The following PGCKA1 variants were observed in gnomAD, a reference collection of about 807,000 sequenced individuals.
The protein encoded by PGCKA1 is PDCD10 and GCKIII kinases associated 1, also known as PDCD10 and GCKIII kinases-associated protein 1.
At chr4:37,567,428 A>C in the PGCKA1 span, among the ~76,000 whole-genome samples, 1 of 152,190 alleles carries the variant, frequency 6.6e-6, no homozygotes, top group Non-Finnish European at 1.5e-5. Flanking sequence ...CAATCCTCAT[A>C]AACTGTAACT....
the PGCKA1 span, among the ~76,000 whole-genome samples, chr4:37,550,312 A>G: frequency 6.6e-6 from 1 of 152,078 alleles, no homozygotes; most frequent in Non-Finnish European, 1.5e-5. Flanking sequence ...ATTAATAGTA[A>G]TCAGCAAGGA....
the PGCKA1 span, among the ~76,000 whole-genome samples, chr4:37,510,205 T>C: frequency 9.8e-5 from 15 of 152,286 alleles, no homozygotes; most frequent in South Asian, 6.2e-4. Context: ...TTCTCCAGGA[T>C]TGGTTCCTCG....
chr4:37,557,160 C>T, the PGCKA1 span, among the ~76,000 whole-genome samples: 4 of 152,138 alleles, frequency 2.6e-5, no homozygotes, highest in East Asian at 7.7e-4. Flanking sequence ...ACTTGTTTTA[C>T]TTTCTTAAGT....
At chr4:37,493,832 T>A in the PGCKA1 span, among the ~76,000 whole-genome samples, 1 of 152,176 alleles carries the variant, frequency 6.6e-6, no homozygotes, top group Non-Finnish European at 1.5e-5. Context: ...GTGAAGTTTG[T>A]CTTTCTGTGC....
the PGCKA1 span, among the ~76,000 whole-genome samples, chr4:37,481,462 T>C: frequency 5.3e-5 from 1 of 18,936 alleles, no homozygotes; most frequent in South Asian, 1.5e-3. Flanking sequence ...AAGACCTGTC[T>C]CCAAAAAAAA....
At chr4:37,453,658 C>T in the PGCKA1 span, among the ~76,000 whole-genome samples, 2 of 151,968 alleles carry the variant, frequency 1.3e-5, no homozygotes, top group Non-Finnish European at 2.9e-5. Context: ...GTAAGCACCC[C>T]GGAGTTTCCC....
At chr4:37,556,350 C>T in the PGCKA1 span, among the ~76,000 whole-genome samples, 1 of 152,070 alleles carries the variant, frequency 6.6e-6, no homozygotes, top group African/African-American at 2.4e-5. Context: ...TCACTGCAAC[C>T]TCTGTCCCCG....
At chr4:37,539,630 G>A in the PGCKA1 span, among the ~76,000 whole-genome samples, 1 of 152,158 alleles carries the variant, frequency 6.6e-6, no homozygotes, top group African/African-American at 2.4e-5. Flanking sequence ...CTCCAGCCTG[G>A]GCGACAGAGC....
chr4:37,525,972 T>C, the PGCKA1 span, among the ~76,000 whole-genome samples: 5 of 152,344 alleles, frequency 3.3e-5, no homozygotes, highest in Admixed American at 2.6e-4. Flanking sequence ...ATACTAGCTG[T>C]TCACTCCTAA....
the PGCKA1 span, among the ~76,000 whole-genome samples, chr4:37,488,602 A>G: frequency 6.6e-6 from 1 of 152,130 alleles, no homozygotes; most frequent in Non-Finnish European, 1.5e-5. Context: ...TACTGTCTGA[A>G]TCTAAGTCAG....
chr4:37,464,078 T>C, the PGCKA1 span, among the ~76,000 whole-genome samples: 2 of 152,338 alleles, frequency 1.3e-5, no homozygotes, highest in African/African-American at 2.4e-5. Context: ...CACATTTGTT[T>C]GCATTAAATC....
the PGCKA1 span, among the ~76,000 whole-genome samples, chr4:37,456,826 C>T: frequency 6.6e-6 from 1 of 152,104 alleles, no homozygotes; most frequent in Non-Finnish European, 1.5e-5. Flanking sequence ...AAGATACAAC[C>T]AAGACCAAAG....
At chr4:37,592,070 C>T in the PGCKA1 span, among the ~76,000 whole-genome samples, 5 of 151,638 alleles carry the variant, frequency 3.3e-5, no homozygotes, top group East Asian at 5.8e-4. Flanking sequence ...TATCCGGGCA[C>T]GGTGGCGGGC....
chr4:37,521,079 ATTAT>A, the PGCKA1 span, among the ~76,000 whole-genome samples: 5 of 151,032 alleles, frequency 3.3e-5, no homozygotes, highest in South Asian at 2.1e-4. Flanking sequence ...TCTGATCTTC[ATTAT>A]TTATTTTCTT....
chr4:37,541,183 C>G, the PGCKA1 span, among the ~76,000 whole-genome samples: 1 of 152,136 alleles, frequency 6.6e-6, no homozygotes, highest in African/African-American at 2.4e-5. Flanking sequence ...GGCCTCTCCC[C>G]ACCTAACCCC....
chr4:37,552,887 A>T, the PGCKA1 span, among the ~76,000 whole-genome samples: 1 of 152,354 alleles, frequency 6.6e-6, no homozygotes, highest in African/African-American at 2.4e-5. Context: ...TAACCTGGCC[A>T]TATAGGCCAT....
At chr4:37,506,556 G>T in the PGCKA1 span, among the ~76,000 whole-genome samples, 1 of 144,784 alleles carries the variant, frequency 6.9e-6, no homozygotes, top group African/African-American at 2.5e-5. Flanking sequence ...GTGTATTGTT[G>T]AATTTCCATG....
At chr4:37,467,636 A>C in the PGCKA1 span, among the ~76,000 whole-genome samples, 1 of 152,368 alleles carries the variant, frequency 6.6e-6, no homozygotes, top group African/African-American at 2.4e-5. Context: ...TAAGAGCAAG[A>C]CCAAGACTAG....
chr4:37,580,654 G>A, the PGCKA1 span, among the ~76,000 whole-genome samples: 1 of 152,200 alleles, frequency 6.6e-6, no homozygotes, highest in Non-Finnish European at 1.5e-5. Flanking sequence ...GGGATAGGGT[G>A]ACACAAGCAC....
Sources: allele counts gnomAD v4.1 joint callset (sites outside exome capture counted in the v4.1 genomes callset), GRCh38; gene constraint gnomAD v4.1.1; transcripts MANE v1.5; gene names NCBI Gene and HGNC (gene_info 2026-07-23, HGNC 2026-07-21).